DYRK1A: variants seen among roughly 807,000 people sequenced by gnomAD.
DYRK1A encodes dual specificity tyrosine phosphorylation regulated kinase 1A.
In DYRK1A, 9 loss-of-function variants were observed where a neutral mutation model predicts 79.7. That is an observed-to-expected ratio of 0.11 (90% CI 0.07 to 0.20). The LOEUF (loss-of-function observed/expected upper bound fraction) is 0.20, where lower values mean the gene tolerates loss of function less well. Ranked by LOEUF, DYRK1A falls within the 10% of genes least tolerant of loss-of-function variation. The probability of loss-of-function intolerance (pLI) is 1.00; values close to 1 mark genes in which losing one functional copy is unlikely to be tolerated. For missense variants in DYRK1A, 622 were observed against 956.0 expected (o/e 0.65, Z 4.61); for synonymous variants, 349 against 329.7 (o/e 1.06, Z -0.63).
In DYRK1A at chr21:37,523,258, C is replaced by A; in HGVS notation, c.*10727C>A. 6.6e-6 allele frequency: 1 copy of A among 152,628 alleles called. No homozygotes were observed. The highest frequency in any genetic ancestry group is 2.0e-4 in the South Asian group (1 of 5,114). The allele number at this position is 152,628 out of a possible 1,614,324, so 9.5% of individuals were successfully genotyped here. On this transcript the variant is annotated 3_prime_UTR_variant, in exon 12 of 12. Coordinates refer to ENST00000647188, the MANE Select transcript of DYRK1A (RefSeq NM_001347721.2). Reference sequence around the variant, plus strand: ...GTCGCACTTTTTTGCCCATGCTGGTCTTGAACCCCTGGGCTCAAGCGATCC... The same window carrying A: ...GTCGCACTTTTTTGCCCATGCTGGTATTGAACCCCTGGGCTCAAGCGATCC...
At chr21:37,420,750 A>G (rs976833124) in intron 2 of DYRK1A, among the ~76,000 whole-genome samples, 3 of 152,046 alleles carry the variant, frequency 2.0e-5, no homozygotes, top group African/African-American at 7.2e-5. Flanking sequence ...ATGGGAGTAG[A>G]TGTTAGTAGG....
rs188054446 is a variant in DYRK1A, at chr21:37,524,534, T to C, written c.*12003T>C. The C allele has an allele frequency of 6.6e-6, 1 of 152,202 alleles. No individual in the cohort carries two copies. The highest frequency in any genetic ancestry group is 1.5e-5 in the Non-Finnish European group (1 of 68,020). 9.4% of individuals were successfully genotyped at this position (152,202 alleles called of 1,614,324 possible). ...CTTGATTACTGCAGCTGAAGAAACA[T>C]GCTCAGAGAAAGTAAACTTGTTTAT... On this transcript the variant is annotated 3_prime_UTR_variant, in exon 12 of 12. Transcript: ENST00000647188.
At chr21:37,497,740 T>A (rs889700128) in intron 9 of DYRK1A, among the ~76,000 whole-genome samples, 2 of 152,182 alleles carry the variant, frequency 1.3e-5, no homozygotes, top group African/African-American at 4.8e-5. Flanking sequence ...TTCTTTCAAA[T>A]TGATCTATAG....
At chr21:37,494,572 C>G (rs961645459) in intron 8 of DYRK1A, among the ~76,000 whole-genome samples, 4 of 152,020 alleles carry the variant, frequency 2.6e-5, no homozygotes, top group Non-Finnish European at 5.9e-5. Context: ...CTCGGTGAAA[C>G]CATATACCCC....
intron 1 of DYRK1A, among the ~76,000 whole-genome samples, chr21:37,369,803 A>G (rs2049394126): frequency 6.6e-6 from 1 of 152,252 alleles, no homozygotes; most frequent in Non-Finnish European, 1.5e-5. Flanking sequence ...TTGTTTTGAG[A>G]TCTAAGTATA....
At chr21:37,470,159 A>G (rs1265646336) in intron 2 of DYRK1A, among the ~76,000 whole-genome samples, 1 of 152,090 alleles carries the variant, frequency 6.6e-6, no homozygotes, top group African/African-American at 2.4e-5. Flanking sequence ...TAAATAAATA[A>G]AAACAAATCG....
intron 1 of DYRK1A, among the ~76,000 whole-genome samples, chr21:37,413,656 G>C (rs2050283004): frequency 6.6e-6 from 1 of 152,126 alleles, no homozygotes; most frequent in South Asian, 2.1e-4. Flanking sequence ...TGAGGGAAAC[G>C]TTACAATAGA....
At chr21:37,396,468 A>G (rs548265825) in intron 1 of DYRK1A, among the ~76,000 whole-genome samples, 42 of 151,536 alleles carry the variant, frequency 2.8e-4, no homozygotes, top group African/African-American at 8.9e-4. Flanking sequence ...TTGGCAATTG[A>G]TAGATGCTGG....
At chr21:37,390,877 G>A (rs926929568) in intron 1 of DYRK1A, among the ~76,000 whole-genome samples, 7 of 152,262 alleles carry the variant, frequency 4.6e-5, no homozygotes, top group Middle Eastern at 3.4e-3. Context: ...GCCTGTTACT[G>A]TTTTTCAACT....
chr21:37,480,569 A>G lies in DYRK1A; in HGVS notation c.301-69A>G, dbSNP rs891131509. On this transcript the variant is annotated intron_variant, in intron 4 of 11. Coordinates refer to ENST00000647188, the MANE Select transcript of DYRK1A (RefSeq NM_001347721.2). ...CTGTAGAAAATAGGTGTGTGTCAAT[A>G]TACTCTGATAATGCCCTTCCTCACA... is the stretch of plus-strand genomic sequence containing the variant. 3.2e-6 allele frequency: 4 copies of G among 1,253,566 alleles called. No homozygotes were observed. In the Admixed American group the frequency reaches 7.4e-5, roughly 23 times the overall value. 77.7% of individuals were successfully genotyped at this position (1,253,566 alleles called of 1,614,324 possible).
At chr21:37,372,384 G>C (rs2049450096) in intron 1 of DYRK1A, among the ~76,000 whole-genome samples, 1 of 151,954 alleles carries the variant, frequency 6.6e-6, no homozygotes, top group Non-Finnish European at 1.5e-5. Flanking sequence ...GGAGGTGGGG[G>C]GTTGCAGTGA....
At chr21:37,493,806 C>T (rs1053039448) in intron 8 of DYRK1A, among the ~76,000 whole-genome samples, 1 of 151,902 alleles carries the variant, frequency 6.6e-6, no homozygotes, top group Non-Finnish European at 1.5e-5. Flanking sequence ...ACAATTTGCA[C>T]GTCTTGATCA....
intron 3 of DYRK1A, among the ~76,000 whole-genome samples, chr21:37,473,969 G>A (rs1302028705): frequency 6.6e-6 from 1 of 152,160 alleles, no homozygotes; most frequent in African/African-American, 2.4e-5. Flanking sequence ...ATAATAACAC[G>A]ATGATCCATT....
intron 2 of DYRK1A, 90 bp downstream of exon 2, chr21:37,420,474 TAGC>T (rs1313133967): frequency 7.6e-7 from 1 of 1,323,120 alleles, no homozygotes; most frequent in Non-Finnish European, 1.1e-6. Flanking sequence ...TTCTGATAAA[TAGC>T]AGTTAGTGGG....
At chr21:37,406,794 T>C (rs551699586) in intron 1 of DYRK1A, among the ~76,000 whole-genome samples, 1 of 147,958 alleles carries the variant, frequency 6.8e-6, no homozygotes, top group South Asian at 2.1e-4. Context: ...TCTCTATATA[T>C]GTATATAATT....
At chr21:37,465,894 T>A (rs972643178) in intron 2 of DYRK1A, among the ~76,000 whole-genome samples, 1 of 152,196 alleles carries the variant, frequency 6.6e-6, no homozygotes, top group Non-Finnish European at 1.5e-5. Flanking sequence ...CCGTCATTTT[T>A]AAAAAGATTG....
At chr21:37,416,166 T>C (rs2050334219) in intron 1 of DYRK1A, among the ~76,000 whole-genome samples, 1 of 152,174 alleles carries the variant, frequency 6.6e-6, no homozygotes. Flanking sequence ...CGTAGGGCTG[T>C]CAGGAGGTCA....
rs77543502 is a variant in DYRK1A, at chr21:37,506,444, T to G, written c.1644+221T>G. 2,642 of 1,382,388 alleles carry G rather than the reference T, an allele frequency of 1.9e-3. 21 individuals are homozygous for G. The African/African-American group carries it at 0.026, about 14-fold the overall frequency. 85.6% of individuals were successfully genotyped at this position (1,382,388 alleles called of 1,614,324 possible). The stretch of plus-strand genomic sequence containing the variant: ...ACACTTATTGGGGGCATAACAGTTG[T>G]TGTTTTGAACAGTTTTTTTCCTGTG... On this transcript the variant is annotated intron_variant, in intron 11 of 11. Coordinates refer to ENST00000647188, the MANE Select transcript of DYRK1A (RefSeq NM_001347721.2).
chr21:37,427,989 A>G (rs1314741282), intron 2 of DYRK1A, among the ~76,000 whole-genome samples: 2 of 151,992 alleles, frequency 1.3e-5, no homozygotes, highest in Non-Finnish European at 2.9e-5. Context: ...ACTAGATGCC[A>G]ATGACTATTC....
Sources: gnomAD v4.1 joint callset for allele counts (sites outside exome capture counted in the v4.1 genomes callset) on GRCh38, gnomAD v4.1.1 for gene constraint, MANE v1.5 for transcripts, NCBI Gene and HGNC (gene_info 2026-07-23, HGNC 2026-07-21) for gene names.